The following PREP variants were observed in gnomAD, a reference collection of about 807,000 sequenced individuals.
The protein encoded by PREP is prolyl endopeptidase.
In PREP, 29 loss-of-function variants were observed where a neutral mutation model predicts 87.6. The observed-to-expected ratio is 0.33, with a 90% CI of 0.25 to 0.45. PREP has a LOEUF of 0.45. Among genes scored for constraint, PREP ranks in the 20% least tolerant of loss-of-function variants. PREP has a pLI of 1.00. For missense variants in PREP, 695 were observed against 886.5 expected (o/e 0.78, Z 2.74); for synonymous variants, 337 against 328.6 (o/e 1.03, Z -0.28).
chr6:105,296,535 T>C (rs886740164), intron 10 of PREP, among the ~76,000 whole-genome samples: 12 of 151,936 alleles, frequency 7.9e-5, no homozygotes, highest in African/African-American at 2.9e-4. Context: ...AATTTCATCT[T>C]GATTTTTTAC....
chr6:105,301,466 C>T (rs1002399247), intron 10 of PREP, among the ~76,000 whole-genome samples: 3 of 152,162 alleles, frequency 2.0e-5, no homozygotes, highest in African/African-American at 7.2e-5. Context: ...TGAAGAACTT[C>T]CTAGGACTTA....
chr6:105,359,990 A>G (rs115146068), intron 6 of PREP, among the ~76,000 whole-genome samples: 1 of 152,268 alleles, frequency 6.6e-6, no homozygotes, highest in African/African-American at 2.4e-5. Context: ...AGGGAAACTG[A>G]TCTGTGACAG....
At chr6:105,324,086 T>C (rs1771085570) in intron 9 of PREP, among the ~76,000 whole-genome samples, 1 of 152,228 alleles carries the variant, frequency 6.6e-6, no homozygotes, top group African/African-American at 2.4e-5. Context: ...GAAACCTAAT[T>C]GCAGAAATTT....
intron 10 of PREP, among the ~76,000 whole-genome samples, chr6:105,321,760 T>C (rs1411874607): frequency 6.6e-6 from 1 of 152,156 alleles, no homozygotes; most frequent in Middle Eastern, 3.2e-3. Context: ...AAGGCAATTA[T>C]ACACTTGGGT....
intron 10 of PREP, chr6:105,298,890 G>C (rs1206754783): frequency 6.6e-6 from 1 of 152,122 alleles, no homozygotes; most frequent in African/African-American, 2.4e-5. Flanking sequence ...CACTAAACTG[G>C]GTTAAATATA....
At chr6:105,349,898 T>TAAAAAAAAAAAAAAAAAAAAAAA (rs1162063177) in intron 7 of PREP, among the ~76,000 whole-genome samples, 2 of 59,444 alleles carry the variant, frequency 3.4e-5, no homozygotes, top group African/African-American at 1.0e-4. Flanking sequence ...GGGAAGCAGG[T>TAAAAAAAAAAAAAAAAAAAAAAA]AAAAAAAAAA....
At chr6:105,296,385 GT>G (rs200889673) in intron 10 of PREP, among the ~76,000 whole-genome samples, 31 of 145,418 alleles carry the variant, frequency 2.1e-4, no homozygotes, top group Middle Eastern at 3.5e-3. Context: ...TACACCAACA[GT>G]TTTTTTTTTT....
chr6:105,277,850 C>A lies in PREP; in HGVS notation c.*294G>T. 1 of 426,850 alleles carries A rather than the reference C, an allele frequency of 2.3e-6. No homozygotes were observed. Among genetic ancestry groups the A allele is most frequent in the South Asian group, 3.4e-5 (1 of 29,128 alleles). The allele number at this position is 426,850 out of a possible 1,614,324, so 26.4% of individuals were successfully genotyped here. ...CGACTATGATCCTTAATTCAGCAAT[C>A]TAATATTCACAATGTGTTTGTTGCC... On this transcript the variant is annotated 3_prime_UTR_variant, in exon 15 of 15. Transcript: ENST00000652536.
At chr6:105,394,516 G>C (rs532910687) in intron 2 of PREP, among the ~76,000 whole-genome samples, 1 of 152,150 alleles carries the variant, frequency 6.6e-6, no homozygotes, top group Non-Finnish European at 1.5e-5. Flanking sequence ...TGATAGAAGA[G>C]AAAATAGAAT....
At chr6:105,352,908 C>A in intron 7 of PREP, 64 bp downstream of exon 7, 2 of 1,380,476 alleles carry the variant, frequency 1.4e-6, no homozygotes, top group Non-Finnish European at 2.1e-6. Flanking sequence ...ATTAATAGAC[C>A]ACAATAATAC....
chr6:105,293,711 C>T (rs17546735), intron 10 of PREP, among the ~76,000 whole-genome samples: 10,015 of 152,040 alleles, frequency 0.066, 458 homozygotes, highest in Admixed American at 0.12. Context: ...TCTATGGACA[C>T]GTGCACACAC....
intron 10 of PREP, among the ~76,000 whole-genome samples, chr6:105,316,399 G>C (rs1041633698): frequency 6.6e-6 from 1 of 152,174 alleles, no homozygotes; most frequent in East Asian, 1.9e-4. Context: ...GCGCATTTGT[G>C]ATGCCCCAGA....
intron 10 of PREP, among the ~76,000 whole-genome samples, chr6:105,300,558 C>A (rs1770512941): frequency 1.3e-5 from 2 of 151,978 alleles, no homozygotes; most frequent in Non-Finnish European, 2.9e-5. Flanking sequence ...CATTTAAAAC[C>A]ATATTCTAAG....
chr6:105,400,275 T>C lies in PREP; in HGVS notation c.46-2348A>G, dbSNP rs563972567. On this transcript the variant is annotated intron_variant, in intron 1 of 14. Transcript: ENST00000652536. ...GATAAGGTACTGTACTACTTAATCC[T>C]GTTCGATATTTTACTTGTACTGTTC... Among the ~76,000 whole-genome samples, 3 of 152,348 alleles carry C rather than the reference T, an allele frequency of 2.0e-5. No homozygotes were observed. In the South Asian group the frequency reaches 6.2e-4, roughly 32 times the overall value.
chr6:105,291,023 T>G (rs1299748989), intron 10 of PREP, among the ~76,000 whole-genome samples: 1 of 152,204 alleles, frequency 6.6e-6, no homozygotes, highest in Admixed American at 6.5e-5. Context: ...GGCTTCCCAG[T>G]GCATATAAAA....
intron 14 of PREP, among the ~76,000 whole-genome samples, chr6:105,280,352 TTACTAA>T (rs1305887612): frequency 6.6e-6 from 1 of 152,062 alleles, no homozygotes; most frequent in Admixed American, 6.5e-5. Flanking sequence ...AATTTGTAGT[TTACTAA>T]TAGGAGGAAC....
chr6:105,288,112 C>T (rs1000638516), intron 11 of PREP, among the ~76,000 whole-genome samples: 2 of 152,112 alleles, frequency 1.3e-5, no homozygotes, highest in African/African-American at 4.8e-5. Context: ...GAAGGTAGTG[C>T]GGTGGCAGCA....
intron 10 of PREP, chr6:105,322,227 C>T (rs1771030673): frequency 1.1e-6 from 1 of 878,770 alleles, no homozygotes; most frequent in Non-Finnish European, 1.4e-6. Flanking sequence ...AATGGCTCAC[C>T]ATGAAAACAA....
intron 3 of PREP, 108 bp downstream of exon 3, chr6:105,377,278 T>A: frequency 1.6e-6 from 2 of 1,259,064 alleles, no homozygotes; most frequent in South Asian, 3.0e-5. Flanking sequence ...TAATTCCTTA[T>A]AATGAATTAA....
Sources: gnomAD v4.1 joint callset for allele counts (sites outside exome capture counted in the v4.1 genomes callset) on GRCh38, gnomAD v4.1.1 for gene constraint, MANE v1.5 for transcripts, NCBI Gene and HGNC (gene_info 2026-07-23, HGNC 2026-07-21) for gene names.